Variants in UGT1A5 observed in about 807,000 individuals in gnomAD.
UGT1A5 encodes the protein UDP-glucuronosyltransferase 1A5.
A neutral mutation model predicts 40.3 loss-of-function variants in UGT1A5; 29 were observed. The ratio of observed to expected loss-of-function variants is 0.72; its 90% CI spans 0.54 to 0.98. The LOEUF is 0.98. Among genes scored for constraint, UGT1A5 ranks in the 50% least tolerant of loss-of-function variants. The pLI is 0.00. For synonymous variants in UGT1A5, 257 were observed against 262.5 expected (o/e 0.98, Z 0.20); for missense variants, 678 against 677.9 (o/e 1.00, Z 0.00).
intron 1 of UGT1A5, chr2:233,729,486 G>A: frequency 6.2e-7 from 1 of 1,614,202 alleles, no homozygotes; most frequent in South Asian, 1.1e-5. Flanking sequence ...TGAACAATAT[G>A]TCTTTGGTCT....
chr2:233,717,511 GA>G (rs781193687), intron 1 of UGT1A5, among the ~76,000 whole-genome samples: 30 of 152,328 alleles, frequency 2.0e-4, no homozygotes, highest in Non-Finnish European at 3.5e-4. Context: ...TTTCTAATGG[GA>G]GTAACTTCCT....
chr2:233,747,506 A>G, intron 1 of UGT1A5: 1 of 1,608,324 alleles, frequency 6.2e-7, no homozygotes, highest in Non-Finnish European at 8.5e-7. Flanking sequence ...GCCACACTCA[A>G]CTGTACTTTG....
intron 1 of UGT1A5, chr2:233,760,208 A>G: frequency 6.3e-7 from 1 of 1,589,248 alleles, no homozygotes; most frequent in Non-Finnish European, 8.5e-7. Flanking sequence ...TCAAACATTA[A>G]CTTGGTGTAT....
intron 4 of UGT1A5, among the ~76,000 whole-genome samples, 154 bp from the exon 5 acceptor site, chr2:233,772,106 CTG>C (rs1172403577): frequency 6.6e-6 from 1 of 152,016 alleles, no homozygotes; most frequent in African/African-American, 2.4e-5. Context: ...GGGCAAGACT[CTG>C]TATCTAAAAA....
At chr2:233,747,557 A>C (rs1485247055) in intron 1 of UGT1A5, 7 of 1,596,092 alleles carry the variant, frequency 4.4e-6, no homozygotes, top group Non-Finnish European at 6.0e-6. Flanking sequence ...AAAGTATGGC[A>C]ATTTTGAAAA....
At chr2:233,749,694 G>A (rs1268500408) in intron 1 of UGT1A5, among the ~76,000 whole-genome samples, 1 of 151,848 alleles carries the variant, frequency 6.6e-6, no homozygotes, top group Non-Finnish European at 1.5e-5. Flanking sequence ...AGGATCTGGT[G>A]GGAGGTGATT....
intron 4 of UGT1A5, chr2:233,770,807 T>C (rs1273805727): frequency 2.6e-5 from 4 of 152,116 alleles, no homozygotes; most frequent in East Asian, 1.9e-4. Context: ...TTAAAGACAG[T>C]GTATTAGGCT....
At chr2:233,768,524 T>C (rs1008769562) in intron 4 of UGT1A5, 85 bp downstream of exon 4, 5 of 1,531,904 alleles carry the variant, frequency 3.3e-6, no homozygotes, top group Non-Finnish European at 4.4e-6. Context: ...ACGTAGCATT[T>C]AATAGCGTTG....
intron 1 of UGT1A5, among the ~76,000 whole-genome samples, chr2:233,727,487 G>T (rs980960978): frequency 2.0e-5 from 3 of 152,164 alleles, no homozygotes; most frequent in Admixed American, 6.5e-5. Context: ...CTACTTGGAG[G>T]TAGAACATGG....
In UGT1A5 at chr2:233,748,004, T is replaced by C. The variant is rs554173710; in HGVS notation, c.868-19030T>C. On this transcript the variant is annotated intron_variant, in intron 1 of 4. Coordinates refer to ENST00000373414, the MANE Select transcript of UGT1A5 (RefSeq NM_019078.2). ...TGTTCCGAGGGGACTTTGTGATGGATTACCCCAGGCCGATCATGCCCAACA... is the reference window on the plus strand; with the variant it reads ...TGTTCCGAGGGGACTTTGTGATGGACTACCCCAGGCCGATCATGCCCAACA... 1,894 of 1,613,440 alleles carry C rather than the reference T, an allele frequency of 1.2e-3. 7 individuals are homozygous for C. Among genetic ancestry groups the C allele is most frequent in the Non-Finnish European group, 1.4e-3 (1,636 of 1,179,848 alleles).
chr2:233,763,551 G>A (rs946650773), intron 1 of UGT1A5, among the ~76,000 whole-genome samples: 3 of 152,122 alleles, frequency 2.0e-5, no homozygotes, highest in African/African-American at 7.2e-5. Context: ...CTACTGGTTG[G>A]TCAAGTTACT....
intron 1 of UGT1A5, chr2:233,729,607 C>A (rs776036821): frequency 1.2e-6 from 2 of 1,613,986 alleles, no homozygotes; most frequent in South Asian, 2.2e-5. Context: ...CGCGGCAGTG[C>A]TGGCTAAGTA....
intron 1 of UGT1A5, chr2:233,743,097 G>A: frequency 2.8e-6 from 1 of 351,688 alleles, no homozygotes; most frequent in Non-Finnish European, 5.6e-6. Flanking sequence ...AAATTCTTGG[G>A]TACAGCTGTT....
intron 1 of UGT1A5, chr2:233,717,716 G>A (rs2076600817): frequency 2.2e-6 from 1 of 453,938 alleles, no homozygotes; most frequent in Admixed American, 2.4e-5. Flanking sequence ...GAGCCTCATG[G>A]GCATGAGACC....
intron 1 of UGT1A5, chr2:233,754,360 T>C (rs1695458970): frequency 2.1e-5 from 6 of 282,296 alleles, no homozygotes; most frequent in South Asian, 1.9e-4. Flanking sequence ...CATACAGATA[T>C]TTACAATGAT....
chr2:233,732,212 T>G (rs2078250632), intron 1 of UGT1A5, among the ~76,000 whole-genome samples: 1 of 152,238 alleles, frequency 6.6e-6, no homozygotes. Flanking sequence ...ATGGGTAGAT[T>G]GCAAAAATTT....
intron 1 of UGT1A5, among the ~76,000 whole-genome samples, chr2:233,733,397 G>C (rs1438211185): frequency 1.3e-5 from 2 of 152,194 alleles, no homozygotes; most frequent in Non-Finnish European, 2.9e-5. Flanking sequence ...AGTTTTCAAA[G>C]GGAATGCTTC....
At chr2:233,754,984 G>A (rs527779009) in intron 1 of UGT1A5, 1 of 1,295,398 alleles carries the variant, frequency 7.7e-7, no homozygotes, top group Non-Finnish European at 1.0e-6. Context: ...ACCTCGGCGG[G>A]GTCACGGAAG....
chr2:233,760,246 A>G lies in UGT1A5; in HGVS notation c.868-6788A>G. 2.5e-6 allele frequency: 4 copies of G among 1,608,942 alleles called. No individual in the cohort carries two copies. In the South Asian group the frequency reaches 3.3e-5, roughly 13 times the overall value. On this transcript the variant is annotated intron_variant, in intron 1 of 4. Coordinates refer to ENST00000373414, the MANE Select transcript of UGT1A5 (RefSeq NM_019078.2). ...ATTGGTTTTTGCCATATATATATAT[A>G]TAAGTAGGAGAGGGCGAACCTCTGG...
Sources: allele counts gnomAD v4.1 joint callset (sites outside exome capture counted in the v4.1 genomes callset), GRCh38; gene constraint gnomAD v4.1.1; transcripts MANE v1.5; gene names NCBI Gene and HGNC (gene_info 2026-07-23, HGNC 2026-07-21).